Variants in RNF187 observed in about 807,000 individuals in gnomAD.
RNF187 encodes ring finger protein 187, also known as E3 ubiquitin-protein ligase RNF187.
Under a neutral mutation model 22.2 loss-of-function variants are expected in RNF187, and 18 were observed. The observed-to-expected ratio is 0.81, with a 90% CI of 0.56 to 1.20. The LOEUF (loss-of-function observed/expected upper bound fraction) is 1.20, where lower values mean the gene tolerates loss of function less well. Ranked by LOEUF, RNF187 falls within the 50% of genes most tolerant of loss-of-function variation. RNF187 has a pLI of 0.00. For missense variants in RNF187, 329 were observed against 317.6 expected (o/e 1.04, Z -0.27); for synonymous variants, 164 against 140.9 (o/e 1.16, Z -1.16).
At chr1:228,491,151 G>A in intron 2 of RNF187, among the ~76,000 whole-genome samples, 3 of 152,148 alleles carry the variant, frequency 2.0e-5, no homozygotes, top group African/African-American at 7.2e-5. Flanking sequence ...AACTTGGGAG[G>A]CTGAGGTGTA....
chr1:228,487,589 C>T lies in RNF187; in HGVS notation c.101C>T (p.Ala34Val). The T allele has an allele frequency of 7.9e-7, 1 of 1,273,070 alleles. No individual in the cohort carries two copies. The allele number at this position is 1,273,070 out of a possible 1,614,324, so 78.9% of individuals were successfully genotyped here. The stretch of plus-strand genomic sequence containing the variant: ...GACTGCGGCCACCGCTTCTGTCGGG[C>T]GTGCGTGGTGCGCTTCTGGGCCGAG... Residue 34 changes from alanine (A) to valine (V), a missense_variant, in exon 1 of 4, where the codon GCG becomes GTG. Coordinates refer to ENST00000305943, the MANE Select transcript of RNF187 (RefSeq NM_001010858.3).
intron 2 of RNF187, among the ~76,000 whole-genome samples, chr1:228,492,120 A>G: frequency 6.6e-6 from 1 of 151,688 alleles, no homozygotes; most frequent in African/African-American, 2.4e-5. Context: ...GTATGGTCAT[A>G]GCTCACTGCA....
intron 2 of RNF187, among the ~76,000 whole-genome samples, chr1:228,490,055 G>A: frequency 8.5e-5 from 13 of 152,322 alleles, no homozygotes; most frequent in African/African-American, 1.9e-4. Context: ...TCCTCGTGTA[G>A]TAAAAACCTG....
At position 228,487,572 on chromosome 1, in the gene RNF187, C is replaced by T. The variant is rs1008199328; in HGVS notation, c.84C>T (p.Gly28=). Residue 28 remains glycine, a synonymous_variant, in exon 1 of 4, where the codon GGC becomes GGT. Coordinates refer to ENST00000305943, the MANE Select transcript of RNF187 (RefSeq NM_001010858.3). ...GGGAACCGGTGCGCGCCGACTGCGGCCACCGCTTCTGTCGGGCGTGCGTGG... is the reference window on the plus strand; with the variant it reads ...GGGAACCGGTGCGCGCCGACTGCGGTCACCGCTTCTGTCGGGCGTGCGTGG... The T allele has an allele frequency of 1.6e-6, 2 of 1,257,732 alleles. No homozygotes were observed. Among genetic ancestry groups the T allele is most frequent in the African/African-American group, 1.6e-5 (1 of 62,816 alleles). The allele number at this position is 1,257,732 out of a possible 1,614,324, so 77.9% of individuals were successfully genotyped here.
chr1:228,494,143 C>T lies in RNF187; in HGVS notation c.*258C>T. 1 of 1,419,082 alleles carries T rather than the reference C, an allele frequency of 7.0e-7. No individual in the cohort carries two copies. The highest frequency in any genetic ancestry group is 9.2e-7 in the Non-Finnish European group (1 of 1,088,028). 87.9% of individuals were successfully genotyped at this position (1,419,082 alleles called of 1,614,324 possible). ...CCGTCCCTTCCTGAAGTCCTAGCCA[C>T]AGCCCATCCTCCATGAGTCCCGGCA... On this transcript the variant is annotated 3_prime_UTR_variant, in exon 4 of 4. Transcript: ENST00000305943.
In RNF187 at chr1:228,493,341, G is replaced by T; in HGVS notation, c.705+67G>T. The T allele has an allele frequency of 2.0e-6, 3 of 1,501,120 alleles. No homozygotes were observed. Among genetic ancestry groups the T allele is most frequent in the Non-Finnish European group, 2.7e-6 (3 of 1,119,272 alleles). 93.0% of individuals were successfully genotyped at this position (1,501,120 alleles called of 1,614,324 possible). A position where few individuals can be genotyped will look rare whatever the true frequency, so the allele number is the denominator to read the frequency against. On this transcript the variant is annotated intron_variant, in intron 3 of 3. Coordinates refer to ENST00000305943, the MANE Select transcript of RNF187 (RefSeq NM_001010858.3). This position sits in a 1 kb window ranked among gnomAD's most constrained non-coding sequence, Gnocchi z 4.7. ...TGGACGCAGGCAGCAGCGAGCCATT[G>T]GGGGACCATTGCCCGAAGTCAAGGC... is the stretch of plus-strand genomic sequence containing the variant.
intron 2 of RNF187, among the ~76,000 whole-genome samples, chr1:228,492,521 C>T: frequency 6.7e-6 from 1 of 150,270 alleles, no homozygotes; most frequent in African/African-American, 2.5e-5. Context: ...GGGGTTTCAG[C>T]AGGTTGGCCA....
Position 228,493,396 on chromosome 1 carries a change from T to C in RNF187, c.705+122T>C. ...AAGCCCAGCCTGACTCCCACTGCCG[T>C]GGCCTTGCAGGGCTGAATTTCGGGA... On this transcript the variant is annotated intron_variant, in intron 3 of 3. Transcript: ENST00000305943. This position sits in a 1 kb window ranked among gnomAD's most constrained non-coding sequence, Gnocchi z 4.7. The C allele has an allele frequency of 6.9e-7, 1 of 1,451,380 alleles. No homozygotes were observed. The highest frequency in any genetic ancestry group is 2.5e-5 in the Admixed American group (1 of 39,282). The allele number at this position is 1,451,380 out of a possible 1,614,324, so 89.9% of individuals were successfully genotyped here.
Position 228,495,160 on chromosome 1 carries a change from G to A in RNF187, c.*1275G>A. The A allele has an allele frequency of 2.1e-6, 1 of 483,826 alleles. No homozygotes were observed. The highest frequency in any genetic ancestry group is 2.7e-6 in the Non-Finnish European group (1 of 371,440). The allele number at this position is 483,826 out of a possible 1,614,324, so 30.0% of individuals were successfully genotyped here. A position where few individuals can be genotyped will look rare whatever the true frequency, so the allele number is the denominator to read the frequency against. Reference sequence around the variant, plus strand: ...GGAGATGGGGCTCCACCCCGACGTAGCAGGGCAGGGGTTGGAGGAGCGAGG... The same window carrying A: ...GGAGATGGGGCTCCACCCCGACGTAACAGGGCAGGGGTTGGAGGAGCGAGG... On this transcript the variant is annotated 3_prime_UTR_variant, in exon 4 of 4. Transcript: ENST00000305943.
At chr1:228,489,623 G>A in intron 2 of RNF187, among the ~76,000 whole-genome samples, 1 of 152,010 alleles carries the variant, frequency 6.6e-6, no homozygotes, top group Admixed American at 6.6e-5. Context: ...CTCTTGTTCT[G>A]ATCTGAGAGT....
In RNF187 at chr1:228,487,761, C is replaced by G; in HGVS notation, c.273C>G (p.Ala91=). The G allele has an allele frequency of 9.5e-7, 1 of 1,050,704 alleles. No homozygotes were observed. The allele number at this position is 1,050,704 out of a possible 1,614,324, so 65.1% of individuals were successfully genotyped here. A position where few individuals can be genotyped will look rare whatever the true frequency, so the allele number is the denominator to read the frequency against. The change falls in exon 1 of 4, where the codon GCC becomes GCG. Residue 91 remains alanine, a synonymous_variant. Transcript: ENST00000305943. ...CGCGCGACGGCCCGGCCAGCGAGGC[C>G]GCGCTGCAGCTGCTGTGCCGCGCCG...
Position 228,487,613 on chromosome 1 carries a change from A to G in RNF187, c.125A>G (p.Glu42Gly). The G allele has an allele frequency of 1.6e-6, 2 of 1,258,706 alleles. No homozygotes were observed. The highest frequency in any genetic ancestry group is 2.0e-6 in the Non-Finnish European group (2 of 987,688). The allele number at this position is 1,258,706 out of a possible 1,614,324, so 78.0% of individuals were successfully genotyped here. Residue 42 changes from glutamate (E) to glycine (G), a missense_variant, in exon 1 of 4, where the codon GAG (glutamate) becomes GGG (glycine). Physicochemically the swap from Glu to Gly is moderately conservative, Grantham distance 98 (BLOSUM62 -2). Transcript: ENST00000305943. ...GCGTGCGTGGTGCGCTTCTGGGCCG[A>G]GGAGGACGGGCCCTTCCCGTGCCCC...
Position 228,493,068 on chromosome 1 carries a change from C to T in RNF187, c.499C>T (p.Arg167Cys), listed in dbSNP as rs1187982776. Residue 167 changes from arginine (R) to cysteine (C), a missense_variant, in exon 3 of 4, where the codon CGT becomes TGT. Transcript: ENST00000305943. The surrounding 1 kb of genome is among the most constrained non-coding windows in gnomAD (Gnocchi z 4.7). ...CCGTTTGCAGGGACACGTGATGGAC[C>T]GTAGGAAGAAGGCACTGACCGACTA... 10 of 1,549,206 alleles carry T rather than the reference C, an allele frequency of 6.5e-6. No homozygotes were observed. Among genetic ancestry groups the T allele is most frequent in the South Asian group, 1.2e-5 (1 of 83,848 alleles).
Position 228,494,422 on chromosome 1 carries a change from C to A in RNF187, c.*537C>A. On this transcript the variant is annotated 3_prime_UTR_variant, in exon 4 of 4. Coordinates refer to ENST00000305943, the MANE Select transcript of RNF187 (RefSeq NM_001010858.3). ...GATGCCTCCTGAGGAGGCGGCCCCCCTCTTGAGGTGGGCGTGGGCCCGGCC... is the reference window on the plus strand; with the variant it reads ...GATGCCTCCTGAGGAGGCGGCCCCCATCTTGAGGTGGGCGTGGGCCCGGCC... 3.0e-6 allele frequency: 3 copies of A among 995,350 alleles called. No individual in the cohort carries two copies. The South Asian group carries it at 1.3e-4, about 45-fold the overall frequency. 61.7% of individuals were successfully genotyped at this position (995,350 alleles called of 1,614,324 possible).
chr1:228,489,745 A>C, intron 2 of RNF187, among the ~76,000 whole-genome samples: 2 of 141,402 alleles, frequency 1.4e-5, no homozygotes, highest in African/African-American at 5.4e-5. Flanking sequence ...GTGTCCTCAC[A>C]TGGTGGAAGA....
chr1:228,487,512 C>A lies in RNF187; in HGVS notation c.24C>A (p.Ala8=). ...CCCTGGCGCTCCCTGCGGGCCCCGCCGAGGCCGCCTGCGCCCTGTGCCAGC... is the reference window on the plus strand; with the variant it reads ...CCCTGGCGCTCCCTGCGGGCCCCGCAGAGGCCGCCTGCGCCCTGTGCCAGC... Residue 8 remains alanine, a synonymous_variant, in exon 1 of 4, where the codon GCC becomes GCA. Transcript: ENST00000305943. 1 of 1,152,354 alleles carries A rather than the reference C, an allele frequency of 8.7e-7. No homozygotes were observed. The highest frequency in any genetic ancestry group is 1.1e-6 in the Non-Finnish European group (1 of 940,532). The allele number at this position is 1,152,354 out of a possible 1,614,324, so 71.4% of individuals were successfully genotyped here. A position where few individuals can be genotyped will look rare whatever the true frequency, so the allele number is the denominator to read the frequency against.
chr1:228,493,413 A>G lies in RNF187; in HGVS notation c.705+139A>G. 2 of 1,433,608 alleles carry G rather than the reference A, an allele frequency of 1.4e-6. No homozygotes were observed. The highest frequency in any genetic ancestry group is 9.1e-7 in the Non-Finnish European group (1 of 1,093,150). The allele number at this position is 1,433,608 out of a possible 1,614,324, so 88.8% of individuals were successfully genotyped here. A position where few individuals can be genotyped will look rare whatever the true frequency, so the allele number is the denominator to read the frequency against. On this transcript the variant is annotated intron_variant, in intron 3 of 3. Transcript: ENST00000305943. This position sits in a 1 kb window ranked among gnomAD's most constrained non-coding sequence, Gnocchi z 4.7. ...CACTGCCGTGGCCTTGCAGGGCTGA[A>G]TTTCGGGAATGGGTGGGTGGTCAGG...
At chr1:228,489,832 C>T in intron 2 of RNF187, among the ~76,000 whole-genome samples, 1 of 152,170 alleles carries the variant, frequency 6.6e-6, no homozygotes, top group Non-Finnish European at 1.5e-5. Context: ...AACCTCATCA[C>T]CTCCCAAGGG....
chr1:228,494,510 TC>T lies in RNF187; in HGVS notation c.*628del. The T allele has an allele frequency of 4.1e-6, 4 of 985,108 alleles. No homozygotes were observed. The highest frequency in any genetic ancestry group is 4.8e-6 in the Non-Finnish European group (4 of 829,804). 61.0% of individuals were successfully genotyped at this position (985,108 alleles called of 1,614,324 possible). ...CTGGCCCCCACCCCACTCCTGTGCC[TC>T]CCAGGAGCCCTCCCTGTGCTCCACC... On this transcript the variant is annotated 3_prime_UTR_variant, in exon 4 of 4. Transcript: ENST00000305943.
Sources: allele counts gnomAD v4.1 joint callset (sites outside exome capture counted in the v4.1 genomes callset), GRCh38; gene constraint gnomAD v4.1.1; non-coding constraint Gnocchi (gnomAD v3.1); transcripts MANE v1.5; gene names NCBI Gene and HGNC (gene_info 2026-07-23, HGNC 2026-07-21).